UTRN: variants seen among roughly 807,000 people sequenced by gnomAD.
UTRN encodes the protein utrophin.
UTRN carries 283 observed loss-of-function variants against 463.9 expected under a neutral mutation model. That is an observed-to-expected ratio of 0.61 (90% CI 0.55 to 0.67). The LOEUF (loss-of-function observed/expected upper bound fraction) is 0.67. UTRN is among the 30% of genes least tolerant of loss of function. The pLI, the probability that UTRN is intolerant of heterozygous loss-of-function variation, is 0.00. For missense variants in UTRN, 3,922 were observed against 4,084.3 expected, an observed-to-expected ratio of 0.96 and a Z score of 1.08; for synonymous variants, 1,442 against 1,431.5, an observed-to-expected ratio of 1.01 and a Z score of -0.17.
At chr6:144,380,276 A>C (rs1780793942) in intron 2 of UTRN, among the ~76,000 whole-genome samples, 1 of 152,176 alleles carries the variant, frequency 6.6e-6, no homozygotes, top group Non-Finnish European at 1.5e-5. Flanking sequence ...CAGATTTATA[A>C]AGTATTTTAA....
chr6:144,767,211 A>G (rs1000940014), intron 58 of UTRN, among the ~76,000 whole-genome samples: 1 of 152,164 alleles, frequency 6.6e-6, no homozygotes, highest in Non-Finnish European at 1.5e-5. Flanking sequence ...TTGAAATCAC[A>G]TATTTTAAAG....
At position 144,732,211 on chromosome 6, in the gene UTRN, G is replaced by GTT. The variant is rs1247625668; in HGVS notation, c.7939+1728_7939+1729dup. On this transcript the variant is annotated intron_variant, in intron 54 of 74. Coordinates refer to ENST00000367545, the MANE Select transcript of UTRN (RefSeq NM_007124.3). ...AAGAATTATTCCTTTTGAGTACTCT[G>GTT]TTTTATATATATATATATATATATA... is the stretch of plus-strand genomic sequence containing the variant. 1.3e-3 allele frequency among the ~76,000 whole-genome samples: 132 copies of GTT among 104,128 alleles called. 3 individuals carry two copies. In the East Asian group the frequency reaches 0.024, roughly 19 times the overall value. 68.3% of individuals were successfully genotyped at this position (104,128 alleles called of 152,430 possible).
rs77314155 is a variant in UTRN, at chr6:144,653,585, T to TA, written c.7480-24805dup. ...TGGGCGACAGAGCGAGACTCCATCT[T>TA]AAAAAAAAAAAAAAAAGAAATTATC... On this transcript the variant is annotated intron_variant, in intron 51 of 74. Coordinates refer to ENST00000367545, the MANE Select transcript of UTRN (RefSeq NM_007124.3). 3.2e-3 allele frequency among the ~76,000 whole-genome samples: 426 copies of TA among 135,042 alleles called. 2 individuals are homozygous for TA. The highest frequency in any genetic ancestry group is 4.1e-3 in the Non-Finnish European group (253 of 61,780). 88.6% of individuals were successfully genotyped at this position (135,042 alleles called of 152,430 possible).
intron 51 of UTRN, among the ~76,000 whole-genome samples, chr6:144,635,514 C>CTTTTCTTTTTTTTT (rs1777035213): frequency 2.5e-5 from 2 of 80,010 alleles, no homozygotes; most frequent in African/African-American, 9.8e-5. Context: ...CTTTTTTTTT[C>CTTTTCTTTTTTTTT]TTTTTTTTTT....
At chr6:144,442,860 A>G (rs968745001) in intron 13 of UTRN, among the ~76,000 whole-genome samples, 7 of 152,222 alleles carry the variant, frequency 4.6e-5, no homozygotes, top group Non-Finnish European at 1.5e-5. Flanking sequence ...ACTTCTTCTC[A>G]GAAGCACTTG....
intron 3 of UTRN, among the ~76,000 whole-genome samples, chr6:144,414,967 G>A (rs1453653622): frequency 6.6e-6 from 1 of 152,148 alleles, no homozygotes; most frequent in East Asian, 1.9e-4. Flanking sequence ...ACCCGCCTTG[G>A]CCTCCCAAAG....
intron 3 of UTRN, among the ~76,000 whole-genome samples, chr6:144,408,825 G>A (rs1350976316): frequency 1.3e-5 from 2 of 152,192 alleles, no homozygotes; most frequent in South Asian, 4.1e-4. Context: ...TGTACAGGAG[G>A]TGCAATAAAA....
chr6:144,677,316 T>C (rs1781726178), intron 51 of UTRN, among the ~76,000 whole-genome samples: 1 of 152,144 alleles, frequency 6.6e-6, no homozygotes, highest in Non-Finnish European at 1.5e-5. Context: ...CTTCCCTGTG[T>C]CCATGTGTTC....
At chr6:144,303,626 CTA>C (rs1207622380) in intron 2 of UTRN, among the ~76,000 whole-genome samples, 2 of 151,878 alleles carry the variant, frequency 1.3e-5, no homozygotes, top group Non-Finnish European at 2.9e-5. Flanking sequence ...GTATTTTTTT[CTA>C]TATATATTCT....
intron 2 of UTRN, among the ~76,000 whole-genome samples, chr6:144,374,732 C>G (rs1780299769): frequency 6.6e-6 from 1 of 151,398 alleles, no homozygotes; most frequent in Non-Finnish European, 1.5e-5. Flanking sequence ...TCCGCCCGCC[C>G]CTGCCTCCCA....
At chr6:144,756,719 T>C (rs537689817) in intron 57 of UTRN, among the ~76,000 whole-genome samples, 2 of 152,218 alleles carry the variant, frequency 1.3e-5, no homozygotes, top group East Asian at 1.9e-4. Flanking sequence ...GTTTATACTT[T>C]GGTGGGCATA....
intron 51 of UTRN, among the ~76,000 whole-genome samples, chr6:144,634,789 C>A (rs1293749938): frequency 6.6e-6 from 1 of 152,114 alleles, no homozygotes; most frequent in Non-Finnish European, 1.5e-5. Flanking sequence ...TAATGACTGT[C>A]TTTTTTCACT....
At chr6:144,832,776 G>A (rs1029464610) in intron 69 of UTRN, among the ~76,000 whole-genome samples, 2 of 151,812 alleles carry the variant, frequency 1.3e-5, no homozygotes, top group Non-Finnish European at 2.9e-5. Flanking sequence ...GTATGTTATT[G>A]ATAGGTATCA....
chr6:144,461,435 G>T, intron 22 of UTRN, 93 bp downstream of exon 22: 4 of 1,316,348 alleles, frequency 3.0e-6, no homozygotes, highest in Non-Finnish European at 3.9e-6. Context: ...TAAAAAAAAA[G>T]TTGGTCAGTT....
At chr6:144,755,823 A>G (rs746860938) in intron 57 of UTRN, among the ~76,000 whole-genome samples, 11 of 152,144 alleles carry the variant, frequency 7.2e-5, no homozygotes, top group Non-Finnish European at 1.3e-4. Flanking sequence ...TAAATTGATT[A>G]CATTTATATT....
At chr6:144,786,656 A>G (rs1213702479) in intron 61 of UTRN, among the ~76,000 whole-genome samples, 4 of 151,882 alleles carry the variant, frequency 2.6e-5, no homozygotes, top group Non-Finnish European at 4.4e-5. Flanking sequence ...GTGATACTCT[A>G]TGTTCTCCTA....
At chr6:144,755,845 T>C (rs1390553597) in intron 57 of UTRN, among the ~76,000 whole-genome samples, 2 of 152,116 alleles carry the variant, frequency 1.3e-5, no homozygotes, top group African/African-American at 4.8e-5. Context: ...CCTCTTAATG[T>C]TTTTGTCACT....
At chr6:144,591,963 G>A (rs1460530700) in intron 51 of UTRN, among the ~76,000 whole-genome samples, 1 of 152,126 alleles carries the variant, frequency 6.6e-6, no homozygotes, top group East Asian at 1.9e-4. Flanking sequence ...AATTTTAAAA[G>A]TCTAGAGTGT....
chr6:144,625,936 A>G (rs942686810), intron 51 of UTRN, among the ~76,000 whole-genome samples: 6 of 150,954 alleles, frequency 4.0e-5, no homozygotes, highest in African/African-American at 1.5e-4. Flanking sequence ...GAAAAGAAGG[A>G]AAAAAAATCA....
Sources: allele counts gnomAD v4.1 joint callset (sites outside exome capture counted in the v4.1 genomes callset), GRCh38; gene constraint gnomAD v4.1.1; transcripts MANE v1.5; gene names NCBI Gene and HGNC (gene_info 2026-07-23, HGNC 2026-07-21).